Variants in GATAD2B observed in about 807,000 individuals in gnomAD.
The protein encoded by GATAD2B is GATA zinc finger domain containing 2B.
GATAD2B carries 8 observed loss-of-function variants against 64.3 expected under a neutral mutation model. The ratio of observed to expected loss-of-function variants is 0.12; its 90% CI spans 0.07 to 0.22. The LOEUF is 0.22. GATAD2B is among the 10% of genes least tolerant of loss of function. The pLI is 1.00. For missense variants in GATAD2B, 453 were observed against 752.0 expected, an observed-to-expected ratio of 0.60 and a Z score of 4.65; for synonymous variants, 281 against 271.3, an observed-to-expected ratio of 1.04 and a Z score of -0.35.
chr1:153,902,234 T>C (rs1017776130), intron 1 of GATAD2B, among the ~76,000 whole-genome samples: 16 of 151,988 alleles, frequency 1.1e-4, no homozygotes, highest in Non-Finnish European at 1.9e-4. Flanking sequence ...TGAGCCAAGA[T>C]TGCGCCACTG....
In GATAD2B at chr1:153,817,407, T is replaced by C; in HGVS notation, c.865A>G (p.Thr289Ala). 2 of 1,599,730 alleles carry C rather than the reference T, an allele frequency of 1.3e-6. No homozygotes were observed. Among genetic ancestry groups the C allele is most frequent in the Admixed American group, 1.8e-5 (1 of 56,178 alleles). Residue 289 changes from threonine (T) to alanine (A), a missense_variant, in exon 6 of 11, where the codon ACA (threonine) becomes GCA (alanine). This residue lies in a region of GATAD2B where 293 missense variants were observed against 417.2 expected (regional missense o/e 0.70). Coordinates refer to ENST00000368655, the MANE Select transcript of GATAD2B (RefSeq NM_020699.4). ...PPKPGLVRTT[T>A]PNMNPAINYQ... ...TTGATGGCGGGATTCATGTTGGGTG[T>C]TGTGGTGCGTACAAGGCCAGGCTTA...
intron 1 of GATAD2B, among the ~76,000 whole-genome samples, chr1:153,899,219 C>T (rs1570999856): frequency 6.6e-6 from 1 of 152,142 alleles, no homozygotes; most frequent in South Asian, 2.1e-4. Context: ...TGAATAGCCA[C>T]TGCATTCCAG....
chr1:153,857,512 C>T (rs548608611), intron 1 of GATAD2B, among the ~76,000 whole-genome samples: 1 of 152,156 alleles, frequency 6.6e-6, no homozygotes, highest in South Asian at 2.1e-4. Flanking sequence ...ATGCCCTTTT[C>T]TACTGTAGGC....
At chr1:153,852,410 A>G in intron 1 of GATAD2B, 1 of 788,630 alleles carries the variant, frequency 1.3e-6, no homozygotes, top group Non-Finnish European at 2.3e-6. Flanking sequence ...TGTGGTCATC[A>G]TGGATGTTGG....
intron 1 of GATAD2B, chr1:153,921,872 G>C (rs1344426164): frequency 6.6e-6 from 1 of 152,182 alleles, no homozygotes; most frequent in Non-Finnish European, 1.5e-5. Flanking sequence ...CCGGGCGCGC[G>C]AATGGCACCT....
In GATAD2B at chr1:153,819,708, G is replaced by A. The variant is rs770670320; in HGVS notation, c.363C>T (p.Pro121=). The change falls in exon 3 of 11, where the codon CCC becomes CCT. Residue 121 remains proline, a synonymous_variant. Coordinates refer to ENST00000368655, the MANE Select transcript of GATAD2B (RefSeq NM_020699.4). ...RSEPERGRLT[P]SPDIIVLSDN... ...CAGACAAAACAATGATGTCTGGTGAGGGAGTTAGCCTTCCTCGCTCTGGCT... is the reference window on the plus strand; with the variant it reads ...CAGACAAAACAATGATGTCTGGTGAAGGAGTTAGCCTTCCTCGCTCTGGCT... The A allele has an allele frequency of 1.2e-6, 2 of 1,610,742 alleles. No homozygotes were observed. Among genetic ancestry groups the A allele is most frequent in the Non-Finnish European group, 8.5e-7 (1 of 1,178,322 alleles).
chr1:153,851,843 A>T (rs541908543), intron 1 of GATAD2B, among the ~76,000 whole-genome samples: 2 of 152,178 alleles, frequency 1.3e-5, no homozygotes, highest in Non-Finnish European at 2.9e-5. Flanking sequence ...GAATGAGAAC[A>T]TAAGTGCACT....
chr1:153,844,199 T>C (rs989219015), intron 1 of GATAD2B, among the ~76,000 whole-genome samples: 7 of 151,712 alleles, frequency 4.6e-5, no homozygotes, highest in African/African-American at 7.3e-5. Context: ...CTGAGGAAAC[T>C]ATCCAAGACT....
chr1:153,908,232 G>A (rs752557849), intron 1 of GATAD2B, among the ~76,000 whole-genome samples: 13 of 152,160 alleles, frequency 8.5e-5, no homozygotes, highest in Non-Finnish European at 1.8e-4. Flanking sequence ...CATGGCTCAT[G>A]CCTGTAATCT....
intron 1 of GATAD2B, among the ~76,000 whole-genome samples, chr1:153,882,415 T>TGGC (rs1335026092): frequency 6.6e-6 from 1 of 152,100 alleles, no homozygotes; most frequent in African/African-American, 2.4e-5. Context: ...ATTCACTAAT[T>TGGC]TTTCTTTTTT....
At chr1:153,863,802 T>C (rs1676390686) in intron 1 of GATAD2B, among the ~76,000 whole-genome samples, 1 of 151,930 alleles carries the variant, frequency 6.6e-6, no homozygotes, top group African/African-American at 2.4e-5. Flanking sequence ...TTTTTTGTAT[T>C]TTTAGTAGAG....
In GATAD2B at chr1:153,809,981, G is replaced by A. The variant is rs1238715575; in HGVS notation, c.*196C>T. The stretch of plus-strand genomic sequence containing the variant: ...AGCGGCAGAAGAACAGATCGCAGCA[G>A]TGTGAAATAAAGGGGAGGTGGCAGG... On this transcript the variant is annotated 3_prime_UTR_variant, in exon 11 of 11. Transcript: ENST00000368655. The A allele has an allele frequency of 1.8e-6, 1 of 555,498 alleles. No homozygotes were observed. The highest frequency in any genetic ancestry group is 2.0e-5 in the African/African-American group (1 of 50,948). 34.4% of individuals were successfully genotyped at this position (555,498 alleles called of 1,614,324 possible).
At position 153,807,943 on chromosome 1, in the gene GATAD2B, G is replaced by A. The variant is rs1570919053; in HGVS notation, c.*2234C>T. On this transcript the variant is annotated 3_prime_UTR_variant, in exon 11 of 11. Coordinates refer to ENST00000368655, the MANE Select transcript of GATAD2B (RefSeq NM_020699.4). ...ATGCCACAAGGCAAGATGACTTGTG[G>A]GGAAAACATTTTTAAAAAAAGCTTC... The A allele has an allele frequency of 6.6e-6, 1 of 152,450 alleles. No homozygotes were observed. The highest frequency in any genetic ancestry group is 6.5e-5 in the Admixed American group (1 of 15,274). The allele number at this position is 152,450 out of a possible 1,614,324, so 9.4% of individuals were successfully genotyped here.
chr1:153,830,919 G>A (rs764224808), intron 1 of GATAD2B, among the ~76,000 whole-genome samples: 1 of 152,002 alleles, frequency 6.6e-6, no homozygotes, highest in Non-Finnish European at 1.5e-5. Context: ...CTAGAGACGC[G>A]TGCCACCACA....
intron 7 of GATAD2B, among the ~76,000 whole-genome samples, chr1:153,813,879 G>A (rs769044057): frequency 1.3e-5 from 2 of 152,236 alleles, no homozygotes; most frequent in Non-Finnish European, 2.9e-5. Flanking sequence ...TCAGGAGGCT[G>A]AGGCAGGAGA....
Position 153,818,021 on chromosome 1 carries a change from C to A in GATAD2B, c.729+19G>T. The stretch of plus-strand genomic sequence containing the variant: ...AGACACGGCCCTCCAACACTAAGAT[C>A]CCACTATGGGTCACATACCTGTAAT... On this transcript the variant is annotated intron_variant, in intron 5 of 10. Coordinates refer to ENST00000368655, the MANE Select transcript of GATAD2B (RefSeq NM_020699.4). 1 of 1,570,960 alleles carries A rather than the reference C, an allele frequency of 6.4e-7. No individual in the cohort carries two copies. Among genetic ancestry groups the A allele is most frequent in the Non-Finnish European group, 8.6e-7 (1 of 1,159,940 alleles).
chr1:153,857,378 G>A (rs896242597), intron 1 of GATAD2B, among the ~76,000 whole-genome samples: 8 of 151,920 alleles, frequency 5.3e-5, no homozygotes, highest in South Asian at 2.1e-4. Context: ...CCCGGGAGGC[G>A]GAGGTTGCAG....
chr1:153,876,228 A>AAAAAAAAAAAAAAC (rs1676828135), intron 1 of GATAD2B, among the ~76,000 whole-genome samples: 1 of 30,050 alleles, frequency 3.3e-5, no homozygotes, highest in Non-Finnish European at 6.9e-5. Flanking sequence ...ACTTCGTCTC[A>AAAAAAAAAAAAAAC]AAAAAAAAAA....
intron 7 of GATAD2B, among the ~76,000 whole-genome samples, chr1:153,815,081 C>CAAAAAAAAAAAA (rs58874063): frequency 3.2e-4 from 8 of 25,382 alleles, no homozygotes; most frequent in East Asian, 1.2e-3. Flanking sequence ...GACTCTGTCT[C>CAAAAAAAAAAAA]AAAAAAAAAA....
Sources: allele counts gnomAD v4.1 joint callset (sites outside exome capture counted in the v4.1 genomes callset), GRCh38; gene constraint gnomAD v4.1.1; regional missense constraint gnomAD v4.1.1; transcripts MANE v1.5; gene names NCBI Gene and HGNC (gene_info 2026-07-23, HGNC 2026-07-21).